Variants in KCNH1 observed in about 807,000 individuals in gnomAD.
KCNH1 encodes the protein potassium voltage-gated channel subfamily H member 1.
A neutral mutation model predicts 69.2 loss-of-function variants in KCNH1; 27 were observed. The ratio of observed to expected loss-of-function variants is 0.39; its 90% CI spans 0.29 to 0.54. KCNH1 has a LOEUF of 0.54. Among genes scored for constraint, KCNH1 ranks in the 20% least tolerant of loss-of-function variants. The probability of loss-of-function intolerance (pLI) is 0.68; values close to 1 mark genes in which losing one functional copy is unlikely to be tolerated. For synonymous variants in KCNH1, 456 were observed against 487.7 expected (o/e 0.93, Z 0.86); for missense variants, 798 against 1,261.6 (o/e 0.63, Z 5.57).
chr1:211,106,070 A>G (rs1158078527), intron 2 of KCNH1, among the ~76,000 whole-genome samples: 1 of 152,238 alleles, frequency 6.6e-6, no homozygotes, highest in African/African-American at 2.4e-5. Context: ...TAAAAATGCA[A>G]CTTCTGAAAA....
intron 7 of KCNH1, among the ~76,000 whole-genome samples, chr1:210,908,401 A>C (rs540532770): frequency 6.6e-6 from 1 of 152,224 alleles, no homozygotes; most frequent in African/African-American, 2.4e-5. Flanking sequence ...CAGCGCCTGC[A>C]TGTGAGCACA....
At chr1:211,044,520 C>A (rs12122909) in intron 5 of KCNH1, among the ~76,000 whole-genome samples, 111,886 of 152,060 alleles carry the variant, frequency 0.74, 41,624 homozygotes, top group South Asian at 0.83. Flanking sequence ...CATCTGACAA[C>A]GGACTAATAT....
chr1:210,844,490 T>C (rs887922109), intron 7 of KCNH1, among the ~76,000 whole-genome samples: 2 of 152,118 alleles, frequency 1.3e-5, no homozygotes, highest in African/African-American at 4.8e-5. Flanking sequence ...GGGTATATAA[T>C]GAAATGAAGA....
chr1:210,982,221 T>TTTATTATTATTATTA (rs57676423), intron 6 of KCNH1, among the ~76,000 whole-genome samples: 6 of 131,110 alleles, frequency 4.6e-5, no homozygotes, highest in African/African-American at 1.8e-4. Flanking sequence ...CGAGAATACT[T>TTTATTATTATTATTA]TTATTATTAT....
intron 6 of KCNH1, among the ~76,000 whole-genome samples, chr1:210,961,365 T>C (rs1178308544): frequency 1.3e-5 from 2 of 152,172 alleles, no homozygotes; most frequent in African/African-American, 4.8e-5. Flanking sequence ...CAGTTTATGC[T>C]TAAATGCCCT....
intron 7 of KCNH1, among the ~76,000 whole-genome samples, chr1:210,881,937 A>T (rs1686502704): frequency 6.6e-6 from 1 of 152,222 alleles, no homozygotes; most frequent in African/African-American, 2.4e-5. Flanking sequence ...ATTCTGTATG[A>T]TCCTGTAATA....
intron 10 of KCNH1, among the ~76,000 whole-genome samples, chr1:210,693,989 T>C (rs1681582841): frequency 6.6e-6 from 1 of 152,128 alleles, no homozygotes; most frequent in African/African-American, 2.4e-5. Flanking sequence ...CGCTTATGTC[T>C]CCACTCCCAG....
intron 7 of KCNH1, among the ~76,000 whole-genome samples, chr1:210,876,117 T>A (rs890636072): frequency 1.3e-5 from 2 of 152,188 alleles, no homozygotes; most frequent in Admixed American, 6.5e-5. Flanking sequence ...TTCAGAGCAC[T>A]TAAACTTATT....
rs1418345224 is a variant in KCNH1, at chr1:210,718,463, ATG to A, written c.2113-34327_2113-34326del. Among the ~76,000 whole-genome samples, 2 of 59,706 alleles carry A rather than the reference ATG, an allele frequency of 3.3e-5. 1 individual carries two copies. The highest frequency in any genetic ancestry group is 5.6e-5 in the Non-Finnish European group (2 of 35,676). 39.2% of individuals were successfully genotyped at this position (59,706 alleles called of 152,430 possible). A position where few individuals can be genotyped will look rare whatever the true frequency, so the allele number is the denominator to read the frequency against. On this transcript the variant is annotated intron_variant, in intron 10 of 10. Transcript: ENST00000271751. The stretch of plus-strand genomic sequence containing the variant: ...GTATATATATAAAATATATACATAT[ATG>A]TATATATATAAAATATATACATATA...
intron 5 of KCNH1, among the ~76,000 whole-genome samples, chr1:211,052,168 G>GA (rs1390920111): frequency 6.6e-6 from 1 of 152,178 alleles, no homozygotes; most frequent in Non-Finnish European, 1.5e-5. Context: ...AAAAAGCAGA[G>GA]AATACCCTTC....
intron 1 of KCNH1, among the ~76,000 whole-genome samples, chr1:211,113,443 C>T (rs1691508832): frequency 6.6e-6 from 1 of 152,174 alleles, no homozygotes. Context: ...TGCTTGGGTT[C>T]TCCTGTCTAT....
chr1:211,018,787 C>T lies in KCNH1; in HGVS notation c.1028G>A (p.Ser343Asn). 1 of 1,599,918 alleles carries T rather than the reference C, an allele frequency of 6.3e-7. No homozygotes were observed. The highest frequency in any genetic ancestry group is 8.5e-7 in the Non-Finnish European group (1 of 1,172,392). ...QIPPPLEGRE[S>N]QGISSLFSSL... ...TCTGAGATTTGAGGGATGTACCTGA[C>T]TCTCTCTCCCCTCCAGTGGTGGTGG... Residue 343 changes from serine (S) to asparagine (N), a missense_variant, in exon 6 of 11, where the codon AGT becomes AAT. By Grantham distance (46) the Ser-to-Asn change is conservative (BLOSUM62 1). Transcript: ENST00000271751.
chr1:211,069,788 C>A (rs947155870), intron 5 of KCNH1, among the ~76,000 whole-genome samples: 1 of 152,176 alleles, frequency 6.6e-6, no homozygotes, highest in Non-Finnish European at 1.5e-5. Flanking sequence ...TTTAATATTG[C>A]ATCTTTACAT....
At chr1:210,905,827 C>T (rs1260976144) in intron 7 of KCNH1, among the ~76,000 whole-genome samples, 2 of 152,130 alleles carry the variant, frequency 1.3e-5, no homozygotes, top group African/African-American at 4.8e-5. Flanking sequence ...CTGTGCCTCA[C>T]TTCTTCAACT....
chr1:210,856,898 T>TAA (rs1553352291), intron 7 of KCNH1, among the ~76,000 whole-genome samples: 189 of 121,440 alleles, frequency 1.6e-3, no homozygotes, highest in East Asian at 7.8e-3. Context: ...TATATATATA[T>TAA]AAAATACTCA....
At chr1:211,118,781 A>G (rs762429933) in intron 1 of KCNH1, among the ~76,000 whole-genome samples, 10 of 152,188 alleles carry the variant, frequency 6.6e-5, no homozygotes, top group African/African-American at 2.2e-4. Context: ...AATTATTAAA[A>G]ATTGCTTTTC....
chr1:211,106,786 C>T (rs146382773), intron 2 of KCNH1, among the ~76,000 whole-genome samples: 77 of 152,252 alleles, frequency 5.1e-4, no homozygotes, highest in African/African-American at 1.6e-3. Flanking sequence ...CAAAGCAAGA[C>T]GCCATCTCAA....
intron 6 of KCNH1, among the ~76,000 whole-genome samples, chr1:210,963,675 C>T (rs191544151): frequency 2.0e-5 from 3 of 151,374 alleles, no homozygotes; most frequent in East Asian, 3.9e-4. Flanking sequence ...ATTGATCAAG[C>T]GGAAGAAAGG....
At chr1:210,901,682 G>T (rs1501564) in intron 7 of KCNH1, among the ~76,000 whole-genome samples, 26,966 of 152,208 alleles carry the variant, frequency 0.18, 3,029 homozygotes, top group Non-Finnish European at 0.25. Context: ...CATGGGGCCT[G>T]GGAGCTGGGA....
Sources: allele counts gnomAD v4.1 joint callset (sites outside exome capture counted in the v4.1 genomes callset), GRCh38; gene constraint gnomAD v4.1.1; transcripts MANE v1.5; gene names NCBI Gene and HGNC (gene_info 2026-07-23, HGNC 2026-07-21).